Variants in NPAS2 observed in about 807,000 individuals in gnomAD.
NPAS2 encodes the protein neuronal PAS domain protein 2.
In NPAS2, 23 loss-of-function variants were observed where a neutral mutation model predicts 107.5. That is an observed-to-expected ratio of 0.21 (90% CI 0.15 to 0.30). The LOEUF (loss-of-function observed/expected upper bound fraction) is 0.30, where lower values mean the gene tolerates loss of function less well. Ranked by LOEUF, NPAS2 falls within the 10% of genes least tolerant of loss-of-function variation. The probability of loss-of-function intolerance (pLI) is 1.00; values close to 1 mark genes in which losing one functional copy is unlikely to be tolerated. For synonymous variants in NPAS2, 403 were observed against 417.5 expected (o/e 0.97, Z 0.42); for missense variants, 756 against 1,043.3 (o/e 0.72, Z 3.79).
chr2:100,924,810 C>G (rs558197062), intron 2 of NPAS2, among the ~76,000 whole-genome samples: 2 of 152,214 alleles, frequency 1.3e-5, no homozygotes, highest in Non-Finnish European at 2.9e-5. Flanking sequence ...CCGAGCACAG[C>G]CATCTCAGTC....
intron 16 of NPAS2, chr2:100,987,825 T>A (rs1333611104): frequency 1.9e-6 from 1 of 537,320 alleles, no homozygotes; most frequent in Non-Finnish European, 3.3e-6. Context: ...TTTCACATTG[T>A]TAGGCCTCAG....
intron 1 of NPAS2, among the ~76,000 whole-genome samples, chr2:100,875,239 C>T (rs915547314): frequency 2.6e-5 from 4 of 152,004 alleles, no homozygotes; most frequent in Admixed American, 6.6e-5. Context: ...TTGTCAGATT[C>T]CTAGATACAA....
intron 1 of NPAS2, chr2:100,877,979 G>A (rs1573526696): frequency 6.1e-6 from 6 of 985,230 alleles, no homozygotes; most frequent in Non-Finnish European, 7.2e-6. Flanking sequence ...TTATAGTCTG[G>A]GGCCTGCAGA....
intron 7 of NPAS2, among the ~76,000 whole-genome samples, chr2:100,957,084 G>GACT (rs1355296860): frequency 2.0e-5 from 3 of 152,180 alleles, no homozygotes; most frequent in African/African-American, 7.2e-5. Context: ...CACTCCTTAG[G>GACT]GCTTCATCAT....
At chr2:100,900,967 A>C (rs114721063) in intron 1 of NPAS2, among the ~76,000 whole-genome samples, 2 of 151,470 alleles carry the variant, frequency 1.3e-5, no homozygotes, top group African/African-American at 4.9e-5. Context: ...GGTTCAAGCT[A>C]TCCTTCCCAC....
At chr2:100,865,355 C>T (rs376729355) in intron 1 of NPAS2, among the ~76,000 whole-genome samples, 4 of 152,160 alleles carry the variant, frequency 2.6e-5, no homozygotes, top group African/African-American at 7.2e-5. Context: ...TCAACCTTCC[C>T]TCTGTACTGG....
chr2:100,984,844 A>G (rs968900721), intron 16 of NPAS2: 2 of 151,698 alleles, frequency 1.3e-5, no homozygotes, highest in South Asian at 2.1e-4. Flanking sequence ...CGTCGAGGCT[A>G]TATGTGCCTG....
At chr2:100,979,402 G>A (rs1352935447) in intron 15 of NPAS2, among the ~76,000 whole-genome samples, 1 of 148,794 alleles carries the variant, frequency 6.7e-6, no homozygotes, top group East Asian at 2.0e-4. Context: ...ACGATGGTGT[G>A]ATGCAGTCTC....
chr2:100,848,181 A>T (rs751984412), intron 1 of NPAS2, among the ~76,000 whole-genome samples: 4 of 152,136 alleles, frequency 2.6e-5, no homozygotes, highest in East Asian at 1.9e-4. Flanking sequence ...GACTGGACTC[A>T]TGTTTTTATT....
At chr2:100,821,509 G>GA (rs1465400792) in intron 1 of NPAS2, among the ~76,000 whole-genome samples, 1 of 152,170 alleles carries the variant, frequency 6.6e-6, no homozygotes, top group Non-Finnish European at 1.5e-5. Flanking sequence ...AATCAGCAGA[G>GA]ACGAGCTAAA....
intron 16 of NPAS2, chr2:100,985,998 C>T (rs1415217528): frequency 6.6e-6 from 1 of 152,160 alleles, no homozygotes; most frequent in East Asian, 1.9e-4. Flanking sequence ...GGTTTGACTA[C>T]TAGGTTTTTG....
intron 1 of NPAS2, among the ~76,000 whole-genome samples, chr2:100,854,042 C>T (rs1167180135): frequency 2.0e-5 from 3 of 148,660 alleles, no homozygotes; most frequent in South Asian, 2.2e-4. Flanking sequence ...CTCAGTTACT[C>T]GGGAGGCTGA....
intron 1 of NPAS2, among the ~76,000 whole-genome samples, chr2:100,873,663 A>G (rs1426343491): frequency 6.6e-6 from 1 of 152,096 alleles, no homozygotes; most frequent in Non-Finnish European, 1.5e-5. Flanking sequence ...TCTCTATAAA[A>G]ATATTTTGTA....
chr2:100,906,757 C>G (rs1229526800), intron 2 of NPAS2, among the ~76,000 whole-genome samples: 1 of 152,102 alleles, frequency 6.6e-6, no homozygotes, highest in African/African-American at 2.4e-5. Context: ...CGCTGGGTGC[C>G]CACAGTACTG....
chr2:100,900,830 G>A (rs1043163603), intron 1 of NPAS2, among the ~76,000 whole-genome samples: 15 of 152,026 alleles, frequency 9.9e-5, no homozygotes, highest in Non-Finnish European at 1.9e-4. Context: ...ATGGTATGCC[G>A]ATGGTGATTT....
In NPAS2 at chr2:100,950,931, G is replaced by A. The variant is rs117887702; in HGVS notation, c.598+1451G>A. The stretch of plus-strand genomic sequence containing the variant: ...CACAAAGAAGTAAATGGAAGCTCTC[G>A]TTGGGCTACTCAGTTAAAGAAACTG... On this transcript the variant is annotated intron_variant, in intron 7 of 20. Coordinates refer to ENST00000335681, the MANE Select transcript of NPAS2 (RefSeq NM_002518.4). 5.0e-3 allele frequency among the ~76,000 whole-genome samples: 756 copies of A among 152,314 alleles called. 12 individuals carry two copies. The highest frequency in any genetic ancestry group is 0.049 in the East Asian group (256 of 5,186).
intron 1 of NPAS2, among the ~76,000 whole-genome samples, chr2:100,881,859 G>T (rs538097612): frequency 1.2e-4 from 19 of 152,284 alleles, no homozygotes; most frequent in African/African-American, 4.6e-4. Flanking sequence ...GGTCTCCCAC[G>T]TGCCCCATTC....
At chr2:100,918,956 T>A (rs1005931535) in intron 2 of NPAS2, among the ~76,000 whole-genome samples, 1 of 152,218 alleles carries the variant, frequency 6.6e-6, no homozygotes, top group African/African-American at 2.4e-5. Flanking sequence ...GCATAGTAGC[T>A]GTATTCATAA....
chr2:100,901,345 A>G (rs184698567), intron 1 of NPAS2, among the ~76,000 whole-genome samples: 2 of 152,122 alleles, frequency 1.3e-5, no homozygotes, highest in South Asian at 4.2e-4. Flanking sequence ...TCCCATAATT[A>G]TTGTTACTGT....
Sources: allele counts gnomAD v4.1 joint callset (sites outside exome capture counted in the v4.1 genomes callset), GRCh38; gene constraint gnomAD v4.1.1; transcripts MANE v1.5; gene names NCBI Gene and HGNC (gene_info 2026-07-23, HGNC 2026-07-21).